Variants in CNTNAP2 observed in about 807,000 individuals in gnomAD.
CNTNAP2 encodes the protein contactin-associated protein-like 2.
In CNTNAP2, 98 loss-of-function variants were observed where a neutral mutation model predicts 155.2. The observed-to-expected ratio is 0.63, with a 90% CI of 0.54 to 0.75. CNTNAP2 has a LOEUF of 0.75. Ranked by LOEUF, CNTNAP2 falls within the 30% of genes least tolerant of loss-of-function variation. The pLI, the probability that CNTNAP2 is intolerant of heterozygous loss-of-function variation, is 0.00. For synonymous variants in CNTNAP2, 651 were observed against 631.2 expected (o/e 1.03, Z -0.47); for missense variants, 1,727 against 1,688.1 (o/e 1.02, Z -0.40).
chr7:147,580,410 C>T (rs1800476746), intron 12 of CNTNAP2, among the ~76,000 whole-genome samples: 1 of 152,110 alleles, frequency 6.6e-6, no homozygotes, highest in Non-Finnish European at 1.5e-5. Context: ...TATTAATTAC[C>T]TAGTCACATC....
intron 21 of CNTNAP2, chr7:148,381,274 C>T: frequency 6.6e-6 from 1 of 152,254 alleles, no homozygotes. Flanking sequence ...CCAGTGAGTA[C>T]AAAGGGCAAG....
chr7:147,326,457 G>A (rs1033219660), intron 9 of CNTNAP2, among the ~76,000 whole-genome samples: 8 of 152,062 alleles, frequency 5.3e-5, no homozygotes, highest in South Asian at 2.1e-4. Flanking sequence ...GAACATTTGC[G>A]GTGTTTCTGC....
At chr7:146,228,632 A>G (rs569075900) in intron 1 of CNTNAP2, among the ~76,000 whole-genome samples, 1 of 152,194 alleles carries the variant, frequency 6.6e-6, no homozygotes, top group African/African-American at 2.4e-5. Context: ...AATTTTTCTT[A>G]TAGAAATATT....
intron 2 of CNTNAP2, among the ~76,000 whole-genome samples, chr7:146,836,573 T>C (rs1391667347): frequency 6.6e-6 from 1 of 152,212 alleles, no homozygotes; most frequent in African/African-American, 2.4e-5. Context: ...CTTTGTACTA[T>C]TGTAGTTGCA....
intron 13 of CNTNAP2, among the ~76,000 whole-genome samples, chr7:147,708,383 AG>A (rs1325424562): frequency 6.6e-6 from 1 of 152,146 alleles, no homozygotes; most frequent in African/African-American, 2.4e-5. Context: ...CATTGGCTGC[AG>A]GTGAGGAATG....
intron 14 of CNTNAP2, among the ~76,000 whole-genome samples, chr7:147,927,206 A>T (rs1348111708): frequency 1.3e-5 from 2 of 152,214 alleles, no homozygotes. Flanking sequence ...AAGAAAAAAG[A>T]TGAAAAATGT....
intron 12 of CNTNAP2, among the ~76,000 whole-genome samples, chr7:147,619,746 G>A (rs1465854904): frequency 1.3e-5 from 2 of 152,298 alleles, no homozygotes; most frequent in African/African-American, 2.4e-5. Context: ...CTGGGACCTC[G>A]GGTGACTCGC....
intron 12 of CNTNAP2, among the ~76,000 whole-genome samples, chr7:147,594,158 G>A (rs890208960): frequency 2.5e-5 from 3 of 120,142 alleles, no homozygotes; most frequent in Admixed American, 1.1e-4. Context: ...ATGGAGTCTC[G>A]CTCCAGTCAC....
At chr7:147,082,501 G>C (rs1368617914) in intron 4 of CNTNAP2, 2 of 152,144 alleles carry the variant, frequency 1.3e-5, no homozygotes, top group Non-Finnish European at 1.5e-5. Context: ...CACGTACCCA[G>C]CTAAAAGCTG....
intron 15 of CNTNAP2, among the ~76,000 whole-genome samples, chr7:147,987,715 G>A (rs1801643338): frequency 1.3e-5 from 2 of 151,964 alleles, no homozygotes; most frequent in South Asian, 4.2e-4. Flanking sequence ...TATTTTTTGA[G>A]ACAGAGTCTT....
In CNTNAP2 at chr7:147,485,950, CTG is replaced by C. The variant is rs1554490549; in HGVS notation, c.1689_1690del (p.Cys563Ter). On this transcript the variant is annotated frameshift_variant, in exon 11 of 24. Transcript: ENST00000361727. LOFTEE classifies it high-confidence loss of function. ...TCTCTGACAGATGTGTGCCCAATCA[CTG>C]TGAGCATGGTGGAAAGTGCTCGCAA... ...AIIDRCVPNH[C>X]EHGGKCSQTW... The C allele has an allele frequency of 6.2e-7, 1 of 1,614,092 alleles. No homozygotes were observed. Among genetic ancestry groups the C allele is most frequent in the Admixed American group, 1.7e-5 (1 of 60,010 alleles).
chr7:147,021,911 A>G (rs1207701092), intron 3 of CNTNAP2, among the ~76,000 whole-genome samples: 2 of 152,138 alleles, frequency 1.3e-5, no homozygotes, highest in Non-Finnish European at 2.9e-5. Context: ...AAGGACACTC[A>G]TGTACTTGAC....
chr7:147,395,663 A>G lies in CNTNAP2; in HGVS notation c.1553A>G (p.Gln518Arg). Residue 518 changes from glutamine to arginine, a missense_variant, in exon 10 of 24, where the codon CAA (glutamine) becomes CGA (arginine). Transcript: ENST00000361727. ...SSHSVLQPSFQGCMQLIQVDD... is the reference protein window; with the variant it reads ...SSHSVLQPSFRGCMQLIQVDD... The stretch of plus-strand genomic sequence containing the variant: ...CACTCTGTCCTTCAGCCTTCATTCC[A>G]AGGATGCATGCAGCTCATTCAAGTG... The G allele has an allele frequency of 1.9e-6, 3 of 1,612,576 alleles. No homozygotes were observed. Among genetic ancestry groups the G allele is most frequent in the South Asian group, 2.2e-5 (2 of 91,064 alleles).
At chr7:148,025,898 A>G (rs12112179) in intron 15 of CNTNAP2, among the ~76,000 whole-genome samples, 2,472 of 152,290 alleles carry the variant, frequency 0.016, 53 homozygotes, top group African/African-American at 0.054. Context: ...ATATATTAAG[A>G]TGCATATGTG....
chr7:147,649,480 G>A (rs374406068), intron 13 of CNTNAP2, among the ~76,000 whole-genome samples: 245 of 152,094 alleles, frequency 1.6e-3, no homozygotes, highest in Middle Eastern at 0.01. Flanking sequence ...GTTTTCAGAC[G>A]GGATACCACA....
At chr7:146,721,934 G>T (rs1338451158) in intron 1 of CNTNAP2, among the ~76,000 whole-genome samples, 3 of 131,294 alleles carry the variant, frequency 2.3e-5, no homozygotes, top group Non-Finnish European at 4.6e-5. Context: ...TGTAGCCCAG[G>T]CTGGAGTGCA....
intron 3 of CNTNAP2, among the ~76,000 whole-genome samples, chr7:147,000,136 C>T (rs1008307261): frequency 1.3e-5 from 2 of 151,806 alleles, no homozygotes; most frequent in Non-Finnish European, 2.9e-5. Context: ...CTTCCACTTA[C>T]GAAGTTCTTC....
chr7:148,409,948 G>T lies in CNTNAP2; in HGVS notation c.3796+477G>T, dbSNP rs373369297. ...CGCCTGTAGTCCCAGCTACTCAGGA[G>T]GCTGAGGCAGGAGAATGGCGTGAAC... On this transcript the variant is annotated intron_variant, in intron 23 of 23. Coordinates refer to ENST00000361727, the MANE Select transcript of CNTNAP2 (RefSeq NM_014141.6). Among the ~76,000 whole-genome samples, 12 of 91,062 alleles carry T rather than the reference G, an allele frequency of 1.3e-4. 4 individuals are homozygous for T. Among genetic ancestry groups the T allele is most frequent in the Non-Finnish European group, 1.9e-4 (8 of 42,960 alleles). The allele number at this position is 91,062 out of a possible 152,430, so 59.7% of individuals were successfully genotyped here.
At chr7:146,319,454 G>C (rs1410792812) in intron 1 of CNTNAP2, among the ~76,000 whole-genome samples, 1 of 152,162 alleles carries the variant, frequency 6.6e-6, no homozygotes, top group African/African-American at 2.4e-5. Flanking sequence ...CTCAACAAGA[G>C]AGATTTTAGT....
Sources: allele counts gnomAD v4.1 joint callset (sites outside exome capture counted in the v4.1 genomes callset), GRCh38; gene constraint gnomAD v4.1.1; transcripts MANE v1.5; gene names NCBI Gene and HGNC (gene_info 2026-07-23, HGNC 2026-07-21).